The following PHKB variants were observed in gnomAD, a reference collection of about 807,000 sequenced individuals.
PHKB encodes phosphorylase b kinase regulatory subunit beta.
PHKB carries 122 observed loss-of-function variants against 152.1 expected under a neutral mutation model. The ratio of observed to expected loss-of-function variants is 0.80; its 90% CI spans 0.69 to 0.93. The LOEUF is 0.93. Among genes scored for constraint, PHKB ranks in the 40% least tolerant of loss-of-function variants. The pLI is 0.00. For missense variants in PHKB, 1,304 were observed against 1,328.4 expected, an observed-to-expected ratio of 0.98 and a Z score of 0.29; for synonymous variants, 436 against 464.9, an observed-to-expected ratio of 0.94 and a Z score of 0.80.
In PHKB at chr16:47,497,477, A is replaced by G; in HGVS notation, c.155A>G (p.Tyr52Cys). The change falls in exon 2 of 31, where the codon TAT (tyrosine) becomes TGT (cysteine). Residue 52 changes from tyrosine to cysteine, a missense_variant. Physicochemically the swap from Tyr to Cys is radical, Grantham distance 194. Coordinates refer to ENST00000323584, the MANE Select transcript of PHKB (RefSeq NM_000293.3). Reference protein sequence around the residue: ...NETLWDKLDHYYRIVKSTLLL... With the variant: ...NETLWDKLDHCYRIVKSTLLL... ...ACTCTCTGGGATAAGTTGGACCATT[A>G]TTACAGAATTGGTGAGTAAAACCTG... is the stretch of plus-strand genomic sequence containing the variant. 2 of 1,600,354 alleles carry G rather than the reference A, an allele frequency of 1.2e-6. No individual in the cohort carries two copies. The highest frequency in any genetic ancestry group is 1.7e-6 in the Non-Finnish European group (2 of 1,169,260).
intron 7 of PHKB, among the ~76,000 whole-genome samples, chr16:47,578,439 T>C (rs1452966763): frequency 6.6e-6 from 1 of 152,128 alleles, no homozygotes; most frequent in African/African-American, 2.4e-5. Flanking sequence ...TATTTTAACT[T>C]TCTGTTTTAG....
intron 25 of PHKB, among the ~76,000 whole-genome samples, chr16:47,666,878 T>A (rs1324507901): frequency 6.6e-6 from 1 of 152,252 alleles, no homozygotes; most frequent in African/African-American, 2.4e-5. Flanking sequence ...CCTGTCCACT[T>A]ACTCTCTGTC....
intron 7 of PHKB, among the ~76,000 whole-genome samples, chr16:47,549,304 T>G (rs1037278195): frequency 2.6e-5 from 4 of 152,242 alleles, no homozygotes; most frequent in African/African-American, 9.6e-5. Context: ...GATATCTTCC[T>G]TGTTTCTTAA....
chr16:47,574,703 G>A (rs1205676501), intron 7 of PHKB, among the ~76,000 whole-genome samples: 1 of 152,076 alleles, frequency 6.6e-6, no homozygotes, highest in Non-Finnish European at 1.5e-5. Context: ...CAGTTCTCAC[G>A]GGAACTCAGA....
At chr16:47,523,969 A>G (rs748408815) in intron 6 of PHKB, among the ~76,000 whole-genome samples, 1 of 151,952 alleles carries the variant, frequency 6.6e-6, no homozygotes, top group Admixed American at 6.6e-5. Flanking sequence ...CATGTGTACT[A>G]TGATTTTGTG....
intron 26 of PHKB, among the ~76,000 whole-genome samples, chr16:47,679,126 C>T (rs1973796738): frequency 6.6e-6 from 1 of 152,088 alleles, no homozygotes; most frequent in Non-Finnish European, 1.5e-5. Flanking sequence ...TTCCATTGGT[C>T]TATATCTCTG....
At chr16:47,479,547 G>C (rs1332611798) in intron 1 of PHKB, among the ~76,000 whole-genome samples, 9 of 151,484 alleles carry the variant, frequency 5.9e-5, no homozygotes, top group Admixed American at 5.9e-4. Context: ...GTTTGGGATA[G>C]GGCCTGAGAA....
intron 4 of PHKB, among the ~76,000 whole-genome samples, chr16:47,508,930 T>G (rs1039176684): frequency 7.2e-5 from 11 of 152,188 alleles, no homozygotes; most frequent in African/African-American, 2.2e-4. Flanking sequence ...AATGTACTTA[T>G]GTAATCCCCC....
At chr16:47,634,803 C>G (rs1972888948) in intron 14 of PHKB, among the ~76,000 whole-genome samples, 1 of 152,186 alleles carries the variant, frequency 6.6e-6, no homozygotes, top group Non-Finnish European at 1.5e-5. Flanking sequence ...AAAGCAGAGG[C>G]AAGCATGCCA....
At chr16:47,682,410 T>A (rs1462758449) in intron 26 of PHKB, among the ~76,000 whole-genome samples, 1 of 152,248 alleles carries the variant, frequency 6.6e-6, no homozygotes. Context: ...CAATCAGACG[T>A]AGATTTGCTC....
chr16:47,611,576 C>T (rs946796188), intron 14 of PHKB, among the ~76,000 whole-genome samples: 1 of 151,928 alleles, frequency 6.6e-6, no homozygotes, highest in Non-Finnish European at 1.5e-5. Flanking sequence ...AGTTAACATG[C>T]ATTTAATAAG....
rs1973144941 is a variant in PHKB, at chr16:47,647,140, TG to T, written c.1609-1392del. ...ATTTATTTATTTATTTATTTATTTTTGAAATGTAGTTTCTCTCTTGTCGCCC... is the reference window on the plus strand; with the variant it reads ...ATTTATTTATTTATTTATTTATTTTTAAATGTAGTTTCTCTCTTGTCGCCC... On this transcript the variant is annotated intron_variant, in intron 16 of 30. Transcript: ENST00000323584. Among the ~76,000 whole-genome samples, 3 of 152,124 alleles carry T rather than the reference TG, an allele frequency of 2.0e-5. No homozygotes were observed. In the South Asian group the frequency reaches 6.2e-4, roughly 32 times the overall value.
At chr16:47,680,602 A>T (rs1973832241) in intron 26 of PHKB, among the ~76,000 whole-genome samples, 1 of 151,976 alleles carries the variant, frequency 6.6e-6, no homozygotes, top group African/African-American at 2.4e-5. Flanking sequence ...TTTCTGTGGG[A>T]TCGGTGGTGA....
chr16:47,577,165 A>G (rs1335786668), intron 7 of PHKB, among the ~76,000 whole-genome samples: 1 of 151,920 alleles, frequency 6.6e-6, no homozygotes, highest in African/African-American at 2.4e-5. Context: ...ATTTATCAAT[A>G]GTGGTTTTGA....
intron 14 of PHKB, among the ~76,000 whole-genome samples, chr16:47,616,232 T>C (rs1420552769): frequency 6.6e-6 from 1 of 152,016 alleles, no homozygotes. Flanking sequence ...GTGTCATGTC[T>C]AAGAAAGTAT....
At chr16:47,630,454 C>T (rs1245888034) in intron 14 of PHKB, among the ~76,000 whole-genome samples, 1 of 151,644 alleles carries the variant, frequency 6.6e-6, no homozygotes, top group African/African-American at 2.4e-5. Context: ...TGCACTCCAG[C>T]CTGGGTGACA....
intron 24 of PHKB, chr16:47,663,976 A>C: frequency 1.8e-6 from 1 of 557,568 alleles, no homozygotes; most frequent in South Asian, 2.1e-5. Context: ...CTGGAATGGT[A>C]TGCTAAGGTT....
intron 26 of PHKB, among the ~76,000 whole-genome samples, chr16:47,680,512 G>C (rs185070455): frequency 0.01 from 1,579 of 152,210 alleles, 10 homozygotes; most frequent in Non-Finnish European, 0.016. Flanking sequence ...TGTATGTGTC[G>C]AGGAATTTAT....
Position 47,518,589 on chromosome 16 carries a change from G to A in PHKB, c.594+2988G>A, listed in dbSNP as rs192410813. On this transcript the variant is annotated intron_variant, in intron 6 of 30. Coordinates refer to ENST00000323584, the MANE Select transcript of PHKB (RefSeq NM_000293.3). ...CTAACATCTTTCGTTGCCTACACAG[G>A]CGTACCATGTTTCCTTGGTATCAGT... Among the ~76,000 whole-genome samples, 17 of 152,260 alleles carry A rather than the reference G, an allele frequency of 1.1e-4. No homozygotes were observed. In the East Asian group the frequency reaches 3.3e-3, roughly 29 times the overall value.
Sources: gnomAD v4.1 joint callset for allele counts (sites outside exome capture counted in the v4.1 genomes callset) on GRCh38, gnomAD v4.1.1 for gene constraint, MANE v1.5 for transcripts, NCBI Gene and HGNC (gene_info 2026-07-23, HGNC 2026-07-21) for gene names.